The following CREB5 variants were observed in gnomAD, a reference collection of about 807,000 sequenced individuals.
The protein encoded by CREB5 is cyclic AMP-responsive element-binding protein 5.
CREB5 carries 19 observed loss-of-function variants against 57.1 expected under a neutral mutation model. The ratio of observed to expected loss-of-function variants is 0.33; its 90% CI spans 0.23 to 0.49. The LOEUF is 0.49. CREB5 is among the 20% of genes least tolerant of loss of function. The pLI is 0.99. For synonymous variants in CREB5, 238 were observed against 238.3 expected (o/e 1.00, Z 0.01); for missense variants, 579 against 671.6 (o/e 0.86, Z 1.52).
chr7:28,626,742 C>G (rs1209204835), intron 5 of CREB5, among the ~76,000 whole-genome samples: 1 of 152,166 alleles, frequency 6.6e-6, no homozygotes, highest in Non-Finnish European at 1.5e-5. Context: ...AAACAAGAAG[C>G]AAGAACTTGT....
intron 5 of CREB5, among the ~76,000 whole-genome samples, chr7:28,580,699 T>C (rs1796094130): frequency 2.0e-5 from 3 of 151,978 alleles, no homozygotes. Flanking sequence ...CATTCCATAA[T>C]TATTATTGCC....
chr7:28,511,495 C>T (rs567752299), intron 4 of CREB5, among the ~76,000 whole-genome samples: 58 of 152,062 alleles, frequency 3.8e-4, no homozygotes, highest in South Asian at 3.7e-3. Context: ...ATTTTTTGGG[C>T]TTTTTTTGAG....
At chr7:28,306,690 A>G (rs1452569307) in intron 1 of CREB5, among the ~76,000 whole-genome samples, 1 of 150,320 alleles carries the variant, frequency 6.7e-6, no homozygotes, top group Non-Finnish European at 1.5e-5. Context: ...CCTCCCGAGT[A>G]GCTGGGACTA....
rs1239279548 is a variant in CREB5, at chr7:28,736,822, CTCT to C, written c.702+12492_702+12494del. On this transcript the variant is annotated intron_variant, in intron 7 of 10. Transcript: ENST00000357727. ...CTATGTACTTAGGCTCTCTCTCTCT[CTCT>C]TTTTTTTTTTTTTTTTAACAGTAGG... 2.1e-3 allele frequency among the ~76,000 whole-genome samples: 194 copies of C among 90,318 alleles called. 2 individuals are homozygous for C. Among genetic ancestry groups the C allele is most frequent in the African/African-American group, 6.7e-3 (187 of 27,936 alleles). 59.3% of individuals were successfully genotyped at this position (90,318 alleles called of 152,430 possible).
At chr7:28,409,974 G>A (rs1227199835), upstream of CREB5, 5 of 454,602 alleles carry the variant, frequency 1.1e-5, no homozygotes, top group Admixed American at 7.1e-5. The surrounding 1 kb of genome is among the most constrained non-coding windows in gnomAD (Gnocchi z 4.4). Context: ...CTCCCCCCGC[G>A]TCCCCAGCTT....
intron 5 of CREB5, among the ~76,000 whole-genome samples, chr7:28,623,877 A>G (rs1241389397): frequency 6.6e-6 from 1 of 152,232 alleles, no homozygotes; most frequent in Non-Finnish European, 1.5e-5. Flanking sequence ...ATTAACGTTC[A>G]TAAAGATGGG....
chr7:28,374,140 A>T (rs953230371), intron 1 of CREB5, among the ~76,000 whole-genome samples: 1 of 152,196 alleles, frequency 6.6e-6, no homozygotes, highest in African/African-American at 2.4e-5. Context: ...TTAGTCATCC[A>T]GAAAATGCAA....
intron 2 of CREB5, among the ~76,000 whole-genome samples, chr7:28,488,735 C>G (rs576722379): frequency 6.6e-6 from 1 of 152,218 alleles, no homozygotes; most frequent in Non-Finnish European, 1.5e-5. Flanking sequence ...AGTTTTCCTA[C>G]GTATGTGAAC....
intron 1 of CREB5, among the ~76,000 whole-genome samples, chr7:28,357,424 G>A (rs746396268): frequency 3.9e-5 from 6 of 152,128 alleles, no homozygotes; most frequent in African/African-American, 7.2e-5. Context: ...GATGAAGGGA[G>A]GTATAGTAAA....
chr7:28,622,712 T>A (rs1355338223), intron 5 of CREB5, among the ~76,000 whole-genome samples: 3 of 152,088 alleles, frequency 2.0e-5, no homozygotes, highest in Admixed American at 6.5e-5. Context: ...TAAATCACCA[T>A]GGAATGCAAG....
At chr7:28,423,570 T>G (rs174020) in intron 1 of CREB5, among the ~76,000 whole-genome samples, 1 of 151,932 alleles carries the variant, frequency 6.6e-6, no homozygotes, top group Non-Finnish European at 1.5e-5. Flanking sequence ...AGATGAGGGG[T>G]CCAGAGAGTG....
intron 1 of CREB5, among the ~76,000 whole-genome samples, chr7:28,310,381 T>C (rs1192468679): frequency 6.6e-6 from 1 of 152,154 alleles, no homozygotes; most frequent in Admixed American, 6.5e-5. Context: ...TCTGTTGGTG[T>C]TTGGTGTAGG....
At chr7:28,543,281 C>A (rs777464529) in intron 4 of CREB5, among the ~76,000 whole-genome samples, 3 of 152,124 alleles carry the variant, frequency 2.0e-5, no homozygotes, top group African/African-American at 7.2e-5. Context: ...GTGCTTCCCC[C>A]ACAGGTGATC....
chr7:28,732,840 G>GTGTT (rs1803735983), intron 7 of CREB5, among the ~76,000 whole-genome samples: 3 of 97,152 alleles, frequency 3.1e-5, no homozygotes. Context: ...AAGGTTTAGG[G>GTGTT]TTGTTTTTTT....
intron 1 of CREB5, among the ~76,000 whole-genome samples, chr7:28,455,615 G>T (rs988072861): frequency 1.2e-4 from 18 of 152,126 alleles, no homozygotes; most frequent in African/African-American, 4.3e-4. Flanking sequence ...GCTGCAGAGT[G>T]GAGCACCTGG....
chr7:28,305,180 C>T (rs1285960219), intron 1 of CREB5, among the ~76,000 whole-genome samples: 1 of 152,194 alleles, frequency 6.6e-6, no homozygotes, highest in Non-Finnish European at 1.5e-5. Context: ...TTCATAGTCT[C>T]CCCTGTTCTT....
intron 1 of CREB5, among the ~76,000 whole-genome samples, chr7:28,312,654 G>A (rs1004697029): frequency 6.6e-6 from 1 of 152,164 alleles, no homozygotes; most frequent in Non-Finnish European, 1.5e-5. Flanking sequence ...ATCTCATAAG[G>A]TTGTTATGGA....
chr7:28,576,705 G>T (rs1795923158), intron 5 of CREB5, among the ~76,000 whole-genome samples: 2 of 152,196 alleles, frequency 1.3e-5, no homozygotes, highest in Admixed American at 6.5e-5. Context: ...ACTATTCCCT[G>T]CCCAAATGCA....
chr7:28,555,836 G>C (rs1193776648), intron 4 of CREB5, among the ~76,000 whole-genome samples: 2 of 152,202 alleles, frequency 1.3e-5, no homozygotes, highest in Non-Finnish European at 2.9e-5. Context: ...ATCTCATCTA[G>C]AGTTTAGGTT....
Sources: allele counts gnomAD v4.1 joint callset (sites outside exome capture counted in the v4.1 genomes callset), GRCh38; gene constraint gnomAD v4.1.1; non-coding constraint Gnocchi (gnomAD v3.1); transcripts MANE v1.5; gene names NCBI Gene and HGNC (gene_info 2026-07-23, HGNC 2026-07-21).